The following MACF1 variants were observed in gnomAD, a reference collection of about 807,000 sequenced individuals.
MACF1 encodes the protein microtubule actin crosslinking factor 1, also known as microtubule-actin cross-linking factor 1.
Under a neutral mutation model 854.8 loss-of-function variants are expected in MACF1, and 193 were observed. The ratio of observed to expected loss-of-function variants is 0.23; its 90% CI spans 0.20 to 0.25. The LOEUF (loss-of-function observed/expected upper bound fraction) is 0.25, where lower values mean the gene tolerates loss of function less well. MACF1 is among the 10% of genes least tolerant of loss of function. MACF1 has a pLI of 1.00. For missense variants in MACF1, 7,722 were observed against 8,929.1 expected (o/e 0.86, Z 5.45); for synonymous variants, 3,185 against 3,226.7 (o/e 0.99, Z 0.44).
At chr1:39,463,890 T>G in intron 94 of MACF1, 2 of 474,632 alleles carry the variant, frequency 4.2e-6, no homozygotes, top group South Asian at 5.2e-5. Context: ...AGTAGTAGTT[T>G]GTATTTAAGT....
chr1:39,164,830 A>G (rs1382118945), intron 2 of MACF1, among the ~76,000 whole-genome samples: 1 of 152,224 alleles, frequency 6.6e-6, no homozygotes, highest in Non-Finnish European at 1.5e-5. Context: ...CTGTGTCAAC[A>G]CACCCCTGCT....
At chr1:39,217,115 T>C (rs1644585959) in intron 1 of MACF1, among the ~76,000 whole-genome samples, 1 of 152,194 alleles carries the variant, frequency 6.6e-6, no homozygotes, top group African/African-American at 2.4e-5. Flanking sequence ...TTTCATGTTA[T>C]ATACTTTTCA....
At chr1:39,181,432 A>T (rs963672029) in intron 2 of MACF1, among the ~76,000 whole-genome samples, 1 of 152,182 alleles carries the variant, frequency 6.6e-6, no homozygotes, top group African/African-American at 2.4e-5. Flanking sequence ...TATAGATTCA[A>T]TGCAATCCCT....
chr1:39,432,523 T>TA lies in MACF1; in HGVS notation c.17338-11dup, dbSNP rs746366322. Reference sequence around the variant, plus strand: ...ATATAATTTGTTTATTTTTCTTTAATACGTCTATTAGTATGAGCAAGCTGC... The same window carrying TA: ...ATATAATTTGTTTATTTTTCTTTAATAACGTCTATTAGTATGAGCAAGCTGC... On this transcript the variant is annotated splice_polypyrimidine_tract_variant and intron_variant, in intron 66 of 100. Transcript: ENST00000564288. 5 of 1,613,158 alleles carry TA rather than the reference T, an allele frequency of 3.1e-6. No individual in the cohort carries two copies. In the South Asian group the frequency reaches 5.5e-5, roughly 18 times the overall value.
At position 39,335,152 on chromosome 1, in the gene MACF1, C is replaced by A. The variant is rs191035583; in HGVS notation, c.8564C>A (p.Pro2855Gln). The stretch of plus-strand genomic sequence containing the variant: ...TTTGGGTGCAAGGATCAACGTAAGC[C>A]AAGAATGTCTTCAGATGCTAAAGAA... Reference protein sequence around the residue: ...KEFGCKDQRKPRMSSDAKEFI... With the variant: ...KEFGCKDQRKQRMSSDAKEFI... The change falls in exon 37 of 101, where the codon CCA becomes CAA. Residue 2855 changes from proline (P) to glutamine (Q), a missense_variant. Coordinates refer to ENST00000564288, the MANE Select transcript of MACF1 (RefSeq NM_001394062.1). 7 of 1,613,966 alleles carry A rather than the reference C, an allele frequency of 4.3e-6. No individual in the cohort carries two copies. In the Admixed American group the frequency reaches 1.2e-4, roughly 27 times the overall value.
At chr1:39,256,037 G>T (rs1488297503) in intron 5 of MACF1, among the ~76,000 whole-genome samples, 1 of 152,198 alleles carries the variant, frequency 6.6e-6, no homozygotes, top group East Asian at 1.9e-4. Context: ...GATGGCCAAG[G>T]TAGGGAAAAA....
At chr1:39,260,039 A>ATT (rs542225260) in intron 6 of MACF1, among the ~76,000 whole-genome samples, 2 of 149,252 alleles carry the variant, frequency 1.3e-5, no homozygotes, top group Non-Finnish European at 1.5e-5. Context: ...TTTGTTCACC[A>ATT]TTTTTTTTTT....
intron 2 of MACF1, among the ~76,000 whole-genome samples, chr1:39,132,888 G>A (rs967321552): frequency 3.3e-5 from 5 of 152,052 alleles, no homozygotes; most frequent in Admixed American, 6.6e-5. Context: ...AGATTGTTTC[G>A]AATCCCTTTC....
intron 16 of MACF1, 111 bp downstream of exon 16, chr1:39,292,149 AATG>A (rs756029616): frequency 1.3e-5 from 17 of 1,262,652 alleles, no homozygotes; most frequent in Non-Finnish European, 1.8e-5. Flanking sequence ...GGAAAAGAAT[AATG>A]ATGATGAAGA....
At chr1:39,111,267 C>G (rs1642395736) in intron 2 of MACF1, among the ~76,000 whole-genome samples, 1 of 152,210 alleles carries the variant, frequency 6.6e-6, no homozygotes, top group Admixed American at 6.5e-5. Flanking sequence ...CATTGTGTAG[C>G]TCACTCTAAC....
At chr1:39,183,605 C>T (rs534149751) in intron 2 of MACF1, among the ~76,000 whole-genome samples, 5 of 152,300 alleles carry the variant, frequency 3.3e-5, no homozygotes, top group African/African-American at 2.4e-5. Context: ...AGGAAGCGAA[C>T]TTTTAAGGTG....
In MACF1 at chr1:39,475,299, T is replaced by G. The variant is rs191548210; in HGVS notation, c.21959-4499T>G. ...TGACAACAGATTTTCATTTAGAAATTCATTCTGCAAAATACAAAAATTAGC... is the reference window on the plus strand; with the variant it reads ...TGACAACAGATTTTCATTTAGAAATGCATTCTGCAAAATACAAAAATTAGC... On this transcript the variant is annotated intron_variant, in intron 97 of 100. Transcript: ENST00000564288. Among the ~76,000 whole-genome samples, 496 of 152,040 alleles carry G rather than the reference T, an allele frequency of 3.3e-3. 2 individuals are homozygous for G. The highest frequency in any genetic ancestry group is 5.1e-3 in the Admixed American group (78 of 15,246).
At chr1:39,477,129 TATATATACACACACAC>T in intron 97 of MACF1, among the ~76,000 whole-genome samples, 1 of 30,324 alleles carries the variant, frequency 3.3e-5, no homozygotes, top group Non-Finnish European at 6.5e-5. Context: ...TATATATATA[TATATATACACACACAC>T]ACACACACAG....
At chr1:39,241,833 G>A (rs1225111300) in intron 2 of MACF1, among the ~76,000 whole-genome samples, 1 of 152,034 alleles carries the variant, frequency 6.6e-6, no homozygotes, top group Admixed American at 6.6e-5. Context: ...TCTGGACCCA[G>A]CTCTGATACT....
rs539165778 is a variant in MACF1, at chr1:39,085,791, C to G, written c.220+1353C>G. On this transcript the variant is annotated intron_variant, in intron 2 of 93. Coordinates refer to the MACF1 transcript ENST00000361689. The stretch of plus-strand genomic sequence containing the variant: ...ATAAAGACCCATCAAAATTACTTAC[C>G]TCTTCAGCTTCACCTGCCACCACCT... Among the ~76,000 whole-genome samples the G allele has an allele frequency of 4.6e-5, 7 of 152,260 alleles. No individual in the cohort carries two copies. The South Asian group carries it at 8.3e-4, about 18-fold the overall frequency.
intron 11 of MACF1, 39 bp from the exon 12 acceptor site, chr1:39,285,044 C>T (rs372527331): frequency 6.2e-7 from 1 of 1,610,132 alleles, no homozygotes; most frequent in Non-Finnish European, 8.5e-7. Flanking sequence ...GACAAGAGGG[C>T]ATGGCTGTGT....
chr1:39,153,805 A>G (rs1210945545), intron 2 of MACF1, among the ~76,000 whole-genome samples: 2 of 152,106 alleles, frequency 1.3e-5, no homozygotes, highest in Admixed American at 1.3e-4. Context: ...CAAATGGCAA[A>G]CTCATTTTCT....
At chr1:39,252,761 TC>T (rs1305882239) in intron 4 of MACF1, among the ~76,000 whole-genome samples, 4 of 152,220 alleles carry the variant, frequency 2.6e-5, no homozygotes, top group African/African-American at 9.7e-5. Flanking sequence ...GAGAAAAGGT[TC>T]TTGCTAAAAA....
Position 39,333,674 on chromosome 1 carries a change from T to G in MACF1, c.7086T>G (p.Asn2362Lys). Residue 2362 changes from asparagine (N) to lysine (K), a missense_variant, in exon 37 of 101, where the codon AAT becomes AAG. Coordinates refer to ENST00000564288, the MANE Select transcript of MACF1 (RefSeq NM_001394062.1). ...EGLMDEKLLH[N>K]VLMADKAISG... ...TGATGGATGAGAAATTATTACATAA[T>G]GTCCTCATGGCAGACAAAGCTATAA... The G allele has an allele frequency of 6.2e-7, 1 of 1,614,210 alleles. No homozygotes were observed.
Sources: allele counts gnomAD v4.1 joint callset (sites outside exome capture counted in the v4.1 genomes callset), GRCh38; gene constraint gnomAD v4.1.1; transcripts MANE v1.5; gene names NCBI Gene and HGNC (gene_info 2026-07-23, HGNC 2026-07-21).